UBE2J2: variants seen among roughly 807,000 people sequenced by gnomAD.
UBE2J2 encodes ubiquitin conjugating enzyme E2 J2, also known as ubiquitin-conjugating enzyme E2 J2.
Under a neutral mutation model 28.6 loss-of-function variants are expected in UBE2J2, and 5 were observed. That is an observed-to-expected ratio of 0.17 (90% CI 0.09 to 0.37). The LOEUF (loss-of-function observed/expected upper bound fraction) is 0.37. Ranked by LOEUF, UBE2J2 falls within the 10% of genes least tolerant of loss-of-function variation. The pLI, the probability that UBE2J2 is intolerant of heterozygous loss-of-function variation, is 1.00. For missense variants in UBE2J2, 226 were observed against 338.9 expected (o/e 0.67, Z 2.62); for synonymous variants, 138 against 139.7 (o/e 0.99, Z 0.09).
chr1:1,264,628 C>T (rs1475253293), intron 2 of UBE2J2, among the ~76,000 whole-genome samples: 2 of 152,164 alleles, frequency 1.3e-5, no homozygotes, highest in Non-Finnish European at 2.9e-5. Flanking sequence ...AAAAATTAGG[C>T]CAGGTGCGGT....
At position 1,257,260 on chromosome 1, in the gene UBE2J2, G is replaced by A. The variant is rs149261633; in HGVS notation, c.223C>T (p.Pro75Ser). 6.2e-7 allele frequency: 1 copy of A among 1,613,132 alleles called. No homozygotes were observed. Among genetic ancestry groups the A allele is most frequent in the Non-Finnish European group, 8.5e-7 (1 of 1,179,712 alleles). ...LIFPREFPFKPPSIYMITPNG... is the reference protein window; with the variant it reads ...LIFPREFPFKSPSIYMITPNG... ...GGAGTGATCATATAGATACTGGGAG[G>A]TTTGAAAGGAAATTCTCTGGGAAAA... The change falls in exon 4 of 7, where the codon CCT (proline) becomes TCT (serine). Residue 75 changes from proline to serine, a missense_variant. Physicochemically the swap from Pro to Ser is moderately conservative, Grantham distance 74. This residue lies in a region of UBE2J2 where 80 missense variants were observed against 114.5 expected (regional missense o/e 0.70). Transcript: ENST00000349431.
chr1:1,253,961 TTAAA>T lies in UBE2J2; in HGVS notation c.*1238_*1241del, dbSNP rs1639041742. ...GACCTTTTTTTTCCACAAGAATAGG[TTAAA>T]TACATACAATTGGTAAATTATAGAG... is the stretch of plus-strand genomic sequence containing the variant. On this transcript the variant is annotated 3_prime_UTR_variant, in exon 7 of 7. Transcript: ENST00000349431. 6.6e-6 allele frequency: 1 copy of T among 152,152 alleles called. No homozygotes were observed. The allele number at this position is 152,152 out of a possible 1,614,324, so 9.4% of individuals were successfully genotyped here.
chr1:1,268,535 T>C lies in UBE2J2; in HGVS notation c.1-543A>G, dbSNP rs934240442. Reference sequence around the variant, plus strand: ...CCTCTGCGGCTGGAGGGACGAGGACTCTGGAGACTCCAAGGCACTCACTGG... The same window carrying C: ...CCTCTGCGGCTGGAGGGACGAGGACCCTGGAGACTCCAAGGCACTCACTGG... On this transcript the variant is annotated intron_variant, in intron 1 of 6. Coordinates refer to ENST00000349431, the MANE Select transcript of UBE2J2 (RefSeq NM_058167.3). The surrounding 1 kb of genome is among the most constrained non-coding windows in gnomAD (Gnocchi z 4.7). Among the ~76,000 whole-genome samples, 5 of 152,156 alleles carry C rather than the reference T, an allele frequency of 3.3e-5. No individual in the cohort carries two copies. The highest frequency in any genetic ancestry group is 1.2e-4 in the African/African-American group (5 of 41,516).
intron 1 of UBE2J2, among the ~76,000 whole-genome samples, chr1:1,271,322 C>CCT (rs1344268105): frequency 6.6e-6 from 1 of 152,262 alleles, no homozygotes; most frequent in African/African-American, 2.4e-5. Context: ...CACAGGCTGT[C>CCT]CTTTCGACAC....
intron 5 of UBE2J2, 84 bp from the exon 6 acceptor site, chr1:1,256,209 G>A (rs767016794): frequency 3.8e-5 from 39 of 1,019,578 alleles, no homozygotes; most frequent in Admixed American, 9.5e-5. Flanking sequence ...CAAAGTCAAG[G>A]GCTGCAGTCT....
chr1:1,263,032 G>A, intron 3 of UBE2J2: 1 of 307,238 alleles, frequency 3.3e-6, no homozygotes, highest in Non-Finnish European at 6.3e-6. Context: ...ATATGCACTG[G>A]GTCTTAAGAA....
chr1:1,266,276 T>A, intron 2 of UBE2J2: 2 of 867,608 alleles, frequency 2.3e-6, no homozygotes, highest in Non-Finnish European at 3.1e-6. Context: ...TTCAACTCAC[T>A]GAAATATCTT....
In UBE2J2 at chr1:1,268,683, C is replaced by T. The variant is rs1639999469; in HGVS notation, c.1-691G>A. On this transcript the variant is annotated intron_variant, in intron 1 of 6. Coordinates refer to ENST00000349431, the MANE Select transcript of UBE2J2 (RefSeq NM_058167.3). This position sits in a 1 kb window ranked among gnomAD's most constrained non-coding sequence, Gnocchi z 4.7. ...ATAAGACTGGCCAGGGAGGCAGGGC[C>T]AGGGCATAAGAGTTTATTTACTTAT... Among the ~76,000 whole-genome samples, 1 of 152,156 alleles carries T rather than the reference C, an allele frequency of 6.6e-6. No individual in the cohort carries two copies. Among genetic ancestry groups the T allele is most frequent in the South Asian group, 2.1e-4 (1 of 4,828 alleles).
rs41307037 is a variant in UBE2J2 at position 1,254,827 on chromosome 1, C to T, written c.*376G>A. 0.033 allele frequency: 5,578 copies of T among 169,274 alleles called. 120 individuals are homozygous for T. The highest frequency in any genetic ancestry group is 0.063 in the African/African-American group (2,639 of 42,194). The allele number at this position is 169,274 out of a possible 1,614,324, so 10.5% of individuals were successfully genotyped here. A position where few individuals can be genotyped will look rare whatever the true frequency, so the allele number is the denominator to read the frequency against. On this transcript the variant is annotated 3_prime_UTR_variant, in exon 7 of 7. Transcript: ENST00000349431. The stretch of plus-strand genomic sequence containing the variant: ...GAGGAGCCGGGAGCTCCGAGAAACG[C>T]GCCAGGAGCTCCAAGAACGCAGGAG...
intron 1 of UBE2J2, among the ~76,000 whole-genome samples, chr1:1,272,306 G>GA (rs918013154): frequency 2.0e-5 from 3 of 151,628 alleles, no homozygotes; most frequent in East Asian, 1.9e-4. Context: ...AAAGGCACAG[G>GA]AAAAAAAAAT....
chr1:1,266,613 A>C (rs1043446637), intron 2 of UBE2J2, among the ~76,000 whole-genome samples: 2 of 152,150 alleles, frequency 1.3e-5, no homozygotes, highest in East Asian at 2.0e-4. Context: ...CGAGGTCAGG[A>C]GATCAAGACC....
At chr1:1,263,226 A>G in intron 3 of UBE2J2, 120 bp downstream of exon 3, 2 of 938,940 alleles carry the variant, frequency 2.1e-6, no homozygotes, top group Non-Finnish European at 3.4e-6. Context: ...AAGCCAATTT[A>G]ACTAGCACAC....
intron 2 of UBE2J2, among the ~76,000 whole-genome samples, chr1:1,264,545 G>A (rs1354278007): frequency 6.6e-6 from 1 of 152,208 alleles, no homozygotes; most frequent in Non-Finnish European, 1.5e-5. Flanking sequence ...GCCAAGGTGG[G>A]TAGATCACCT....
intron 1 of UBE2J2, chr1:1,271,555 T>C (rs1490671320): frequency 6.6e-6 from 1 of 152,090 alleles, no homozygotes; most frequent in East Asian, 1.9e-4. Flanking sequence ...TCAACTGCTG[T>C]TTCCCCAGCC....
chr1:1,265,289 G>A (rs554035526), intron 2 of UBE2J2, among the ~76,000 whole-genome samples: 4 of 152,318 alleles, frequency 2.6e-5, no homozygotes, highest in Admixed American at 1.3e-4. Context: ...TGACGCTGCT[G>A]TCCTTAATGC....
At position 1,255,131 on chromosome 1, in the gene UBE2J2, T is replaced by G; in HGVS notation, c.*72A>C. 6.8e-7 allele frequency: 1 copy of G among 1,462,722 alleles called. No homozygotes were observed. Among genetic ancestry groups the G allele is most frequent in the South Asian group, 1.4e-5 (1 of 72,776 alleles). The allele number at this position is 1,462,722 out of a possible 1,614,324, so 90.6% of individuals were successfully genotyped here. A position where few individuals can be genotyped will look rare whatever the true frequency, so the allele number is the denominator to read the frequency against. Reference sequence around the variant, plus strand: ...GTGGGTCTGCCTGTGCTGGGCAGTGTGTCCAGCCTGCCGAGGTCACGCTCT... The same window carrying G: ...GTGGGTCTGCCTGTGCTGGGCAGTGGGTCCAGCCTGCCGAGGTCACGCTCT... On this transcript the variant is annotated 3_prime_UTR_variant, in exon 7 of 7. Coordinates refer to ENST00000349431, the MANE Select transcript of UBE2J2 (RefSeq NM_058167.3).
chr1:1,264,923 T>C (rs1281557127), intron 2 of UBE2J2: 2 of 153,702 alleles, frequency 1.3e-5, no homozygotes, highest in Non-Finnish European at 2.9e-5. Flanking sequence ...ACTAATGGGA[T>C]GACGTATAGT....
At chr1:1,257,153 G>A in intron 4 of UBE2J2, 23 bp from the exon 5 acceptor site, 1 of 1,608,112 alleles carries the variant, frequency 6.2e-7, no homozygotes, top group Non-Finnish European at 8.5e-7. Context: ...GGCCCCGTCA[G>A]TGCACACTCC....
At chr1:1,258,103 G>A (rs373820969) in intron 3 of UBE2J2, among the ~76,000 whole-genome samples, 3 of 151,642 alleles carry the variant, frequency 2.0e-5, no homozygotes, top group South Asian at 4.2e-4. Flanking sequence ...GCAGTGGCTC[G>A]ATCCTGGCTC....
Sources: gnomAD v4.1 joint callset for allele counts (sites outside exome capture counted in the v4.1 genomes callset) on GRCh38, gnomAD v4.1.1 for gene constraint, gnomAD v4.1.1 regional missense constraint, Gnocchi (gnomAD v3.1) non-coding constraint, MANE v1.5 for transcripts, NCBI Gene and HGNC (gene_info 2026-07-23, HGNC 2026-07-21) for gene names.